MLC1: variants seen among roughly 807,000 people sequenced by gnomAD.
The protein encoded by MLC1 is modulator of VRAC current 1, also known as membrane protein MLC1.
In MLC1, 32 loss-of-function variants were observed where a neutral mutation model predicts 44.7. The observed-to-expected ratio is 0.72, with a 90% CI of 0.54 to 0.96. The LOEUF (loss-of-function observed/expected upper bound fraction) is 0.96, where lower values mean the gene tolerates loss of function less well. Among genes scored for constraint, MLC1 ranks in the 40% least tolerant of loss-of-function variants. The pLI is 0.00. For missense variants in MLC1, 459 were observed against 492.2 expected (o/e 0.93, Z 0.64); for synonymous variants, 190 against 213.0 (o/e 0.89, Z 0.94).
intron 3 of MLC1, among the ~76,000 whole-genome samples, chr22:50,082,662 T>A (rs571898470): frequency 6.6e-6 from 1 of 152,316 alleles, no homozygotes; most frequent in East Asian, 1.9e-4. Flanking sequence ...TTTTTGTTTT[T>A]TTCTTGTTGT....
rs372035366 is a variant in MLC1, at chr22:50,074,360, A to G, written c.598-28T>C. 6.3e-6 allele frequency: 10 copies of G among 1,579,010 alleles called. No homozygotes were observed. The East Asian group carries it at 2.2e-4, about 35-fold the overall frequency. ...GGAGGGGACAGGACAGCATCGGCTC[A>G]TAAGGAAGTGGAGACACCCCCAGAT... On this transcript the variant is annotated intron_variant, in intron 7 of 11. Coordinates refer to ENST00000311597, the MANE Select transcript of MLC1 (RefSeq NM_015166.4).
At chr22:50,080,524 C>G (rs2062096170) in intron 3 of MLC1, 127 bp from the exon 4 acceptor site, 7 of 1,046,812 alleles carry the variant, frequency 6.7e-6, no homozygotes, top group Non-Finnish European at 1.0e-5. Context: ...CCAGTCCATG[C>G]AACACAGTGG....
intron 11 of MLC1, among the ~76,000 whole-genome samples, chr22:50,062,527 C>T (rs549920133): frequency 6.6e-6 from 1 of 152,326 alleles, no homozygotes; most frequent in South Asian, 2.1e-4. Context: ...AAGGGAACAG[C>T]AGTAGGGAGG....
chr22:50,070,658 C>T (rs2061829163), intron 8 of MLC1, 75 bp from the exon 9 acceptor site: 2 of 1,445,184 alleles, frequency 1.4e-6, no homozygotes, highest in Admixed American at 3.9e-5. Flanking sequence ...TGCCCTCCCA[C>T]CAGTGACCCC....
At chr22:50,080,605 T>C (rs1366664699) in intron 3 of MLC1, among the ~76,000 whole-genome samples, 1 of 152,204 alleles carries the variant, frequency 6.6e-6, no homozygotes, top group Non-Finnish European at 1.5e-5. Context: ...TCTCACTCTG[T>C]TGCCCAAGCT....
chr22:50,077,416 G>T lies in MLC1; in HGVS notation c.510C>A (p.Asp170Glu). The change falls in exon 6 of 12, where the codon GAC becomes GAA. Residue 170 changes from aspartate to glutamate, a missense_variant. Asp to Glu is a conservative substitution (Grantham distance 45). Transcript: ENST00000311597. ...CTGCACCCACCTTCTTTTTCTTGCA[G>T]TCCTCCTCGCTGGACCGTGCAGCGA... ...VIIAARSSEE[D>E]CKKKKGSMSD... 6.2e-7 allele frequency: 1 copy of T among 1,613,902 alleles called. No individual in the cohort carries two copies. Among genetic ancestry groups the T allele is most frequent in the South Asian group, 1.1e-5 (1 of 91,060 alleles).
chr22:50,070,245 A>G (rs375985184), intron 9 of MLC1, among the ~76,000 whole-genome samples: 8 of 152,294 alleles, frequency 5.3e-5, no homozygotes, highest in African/African-American at 1.9e-4. Flanking sequence ...GGAGGTGCAG[A>G]TGATGCTCAG....
In MLC1 at chr22:50,077,548, C is replaced by T. The variant is rs199578988; in HGVS notation, c.424-46G>A. On this transcript the variant is annotated intron_variant, in intron 5 of 11. Coordinates refer to ENST00000311597, the MANE Select transcript of MLC1 (RefSeq NM_015166.4). The stretch of plus-strand genomic sequence containing the variant: ...TTCAGCACCGGGCCCGCCTTTCTCA[C>T]GCCACCGCGCTTCAGCGTCCACCGG... The T allele has an allele frequency of 2.5e-5, 38 of 1,491,020 alleles. No individual in the cohort carries two copies. The African/African-American group carries it at 3.3e-4, about 13-fold the overall frequency. 92.4% of individuals were successfully genotyped at this position (1,491,020 alleles called of 1,614,324 possible).
At chr22:50,085,219 GACA>G (rs2062251715) in intron 1 of MLC1, 133 bp downstream of exon 1, 1 of 1,251,832 alleles carries the variant, frequency 8.0e-7, no homozygotes, top group East Asian at 4.4e-5. Flanking sequence ...TGCAACACCT[GACA>G]ACATCCATCG....
In MLC1 at chr22:50,083,351, C is replaced by T. The variant is rs1468317319; in HGVS notation, c.178-178G>A. On this transcript the variant is annotated intron_variant, in intron 2 of 11. Transcript: ENST00000311597. The surrounding 1 kb of genome is among the most constrained non-coding windows in gnomAD (Gnocchi z 4.6). ...GACTCCTCCTGTAGGACAGACGCAG[C>T]CCCGCCGCAGCCCAGGACATGGACC... Among the ~76,000 whole-genome samples, 1 of 152,128 alleles carries T rather than the reference C, an allele frequency of 6.6e-6. No homozygotes were observed. The highest frequency in any genetic ancestry group is 2.4e-5 in the African/African-American group (1 of 41,432).
chr22:50,061,072 G>A lies in MLC1; in HGVS notation c.*511C>T. On this transcript the variant is annotated 3_prime_UTR_variant, in exon 12 of 12. Transcript: ENST00000311597. ...TCCAGGAAGAGCCGCTGGGCAGCCT[G>A]AGCCTGGGGCAGGTGCACCTTGCAG... 5.4e-6 allele frequency: 1 copy of A among 183,620 alleles called. No homozygotes were observed. Among genetic ancestry groups the A allele is most frequent in the Non-Finnish European group, 1.2e-5 (1 of 85,432 alleles). The allele number at this position is 183,620 out of a possible 1,614,324, so 11.4% of individuals were successfully genotyped here.
intron 3 of MLC1, among the ~76,000 whole-genome samples, chr22:50,082,789 T>C (rs933872326): frequency 5.9e-5 from 9 of 152,232 alleles, no homozygotes; most frequent in Admixed American, 5.9e-4. Context: ...CTCAGCCTCC[T>C]GAGTAGCTGG....
intron 9 of MLC1, 77 bp downstream of exon 9, chr22:50,070,450 G>T: frequency 7.4e-7 from 1 of 1,344,524 alleles, no homozygotes; most frequent in Non-Finnish European, 1.0e-6. Flanking sequence ...TGGTCACATG[G>T]CACCAAGGGA....
chr22:50,070,307 A>G (rs2061819901), intron 9 of MLC1, among the ~76,000 whole-genome samples: 1 of 152,180 alleles, frequency 6.6e-6, no homozygotes, highest in East Asian at 1.9e-4. Flanking sequence ...CAGTGTCTAC[A>G]CCACCTTGTT....
In MLC1 at chr22:50,083,680, G is replaced by T. The variant is rs2146937120; in HGVS notation, c.178-507C>A. 6.6e-6 allele frequency among the ~76,000 whole-genome samples: 1 copy of T among 152,328 alleles called. No homozygotes were observed. The highest frequency in any genetic ancestry group is 2.4e-5 in the African/African-American group (1 of 41,568). On this transcript the variant is annotated intron_variant, in intron 2 of 11. Transcript: ENST00000311597. This position sits in a 1 kb window ranked among gnomAD's most constrained non-coding sequence, Gnocchi z 4.6. Reference sequence around the variant, plus strand: ...AGGGAAGACCCTAGCAGGAGGCAGGGAGGGTGCTCTCTCTCACGCACAGCA... The same window carrying T: ...AGGGAAGACCCTAGCAGGAGGCAGGTAGGGTGCTCTCTCTCACGCACAGCA...
Position 50,068,463 on chromosome 22 carries a change from C to T in MLC1, c.864G>A (p.Glu288=), listed in dbSNP as rs2146811444. ...TGGCTGGCGGGTAATCCTTAAACATCTCCACGATTCTCATGATGCTGAATG... is the reference window on the plus strand; with the variant it reads ...TGGCTGGCGGGTAATCCTTAAACATTTCCACGATTCTCATGATGCTGAATG... ...YLSFSIMRIV[E]MFKDYPPAIK... Residue 288 remains glutamate (E), a synonymous_variant, in exon 10 of 12, where the codon GAG becomes GAA. Transcript: ENST00000311597. The T allele has an allele frequency of 6.2e-7, 1 of 1,613,912 alleles. No individual in the cohort carries two copies. The highest frequency in any genetic ancestry group is 1.3e-5 in the African/African-American group (1 of 75,036).
rs2061555992 is a variant in MLC1, at chr22:50,061,347, G to A, written c.*236C>T. 1.7e-6 allele frequency: 1 copy of A among 577,946 alleles called. No individual in the cohort carries two copies. 35.8% of individuals were successfully genotyped at this position (577,946 alleles called of 1,614,324 possible). A position where few individuals can be genotyped will look rare whatever the true frequency, so the allele number is the denominator to read the frequency against. Reference sequence around the variant, plus strand: ...GGGAAGTTGCGGCCATGCTCCTGCTGTTACGACACGGGAGCCACTCGGAGC... The same window carrying A: ...GGGAAGTTGCGGCCATGCTCCTGCTATTACGACACGGGAGCCACTCGGAGC... On this transcript the variant is annotated 3_prime_UTR_variant, in exon 12 of 12. Transcript: ENST00000311597.
rs925293976 is a variant in MLC1, at chr22:50,083,864, C to A, written c.178-691G>T. On this transcript the variant is annotated intron_variant, in intron 2 of 11. Transcript: ENST00000311597. This position sits in a 1 kb window ranked among gnomAD's most constrained non-coding sequence, Gnocchi z 4.6. ...TCTGGCCTGGGCGGGGGAGGGGCTG[C>A]GACCAAGTCCAGGGCACCAGGTGGA... Among the ~76,000 whole-genome samples, 7 of 152,106 alleles carry A rather than the reference C, an allele frequency of 4.6e-5. No individual in the cohort carries two copies. The highest frequency in any genetic ancestry group is 1.0e-4 in the Non-Finnish European group (7 of 68,010).
chr22:50,068,576 G>C, intron 9 of MLC1, 21 bp from the exon 10 acceptor site: 1 of 1,544,750 alleles, frequency 6.5e-7, no homozygotes, highest in Non-Finnish European at 8.8e-7. Flanking sequence ...AGCGCGGGTT[G>C]CAGGACCACG....
Sources: allele counts gnomAD v4.1 joint callset (sites outside exome capture counted in the v4.1 genomes callset), GRCh38; gene constraint gnomAD v4.1.1; non-coding constraint Gnocchi (gnomAD v3.1); transcripts MANE v1.5; gene names NCBI Gene and HGNC (gene_info 2026-07-23, HGNC 2026-07-21).